The following SPAG6 variants were observed in gnomAD, a reference collection of about 807,000 sequenced individuals.
SPAG6 encodes the protein sperm-associated antigen 6.
SPAG6 carries 49 observed loss-of-function variants against 58.5 expected under a neutral mutation model. The observed-to-expected ratio is 0.84, with a 90% CI of 0.67 to 1.06. The LOEUF (loss-of-function observed/expected upper bound fraction) is 1.06. SPAG6 is among the 50% of genes least tolerant of loss of function. SPAG6 has a pLI of 0.00. For missense variants in SPAG6, 560 were observed against 611.3 expected, an observed-to-expected ratio of 0.92 and a Z score of 0.89; for synonymous variants, 233 against 225.6, an observed-to-expected ratio of 1.03 and a Z score of -0.29.
chr10:22,369,543 T>A (rs920390684), intron 4 of SPAG6, among the ~76,000 whole-genome samples: 4 of 152,068 alleles, frequency 2.6e-5, no homozygotes, highest in Non-Finnish European at 4.4e-5. Context: ...TATAGCCAGG[T>A]GATTAAGAGC....
In SPAG6 at chr10:22,368,495, C is replaced by A; in HGVS notation, c.289C>A (p.Arg97Ser). Residue 97 changes from arginine (R) to serine (S), a missense_variant and splice_region_variant, in exon 4 of 11, where the codon CGC (arginine) becomes AGC (serine). Coordinates refer to ENST00000376624, the MANE Select transcript of SPAG6 (RefSeq NM_012443.4). ...QLVYSLAEQN[R>S]FYKKAAAFVL... ...AGTTTTGTCTGTTTGACCCTTGTAG[C>A]GCTTCTACAAGAAAGCAGCTGCCTT... The A allele has an allele frequency of 1.2e-6, 2 of 1,612,600 alleles. No homozygotes were observed. Among genetic ancestry groups the A allele is most frequent in the Non-Finnish European group, 1.7e-6 (2 of 1,179,194 alleles).
chr10:22,388,870 A>C (rs937553985), intron 6 of SPAG6, among the ~76,000 whole-genome samples: 3 of 152,120 alleles, frequency 2.0e-5, no homozygotes, highest in Non-Finnish European at 4.4e-5. Context: ...AACCAGCCCT[A>C]GGCTTAGAGT....
chr10:22,403,536 G>T (rs1834469309), intron 9 of SPAG6, among the ~76,000 whole-genome samples: 1 of 151,948 alleles, frequency 6.6e-6, no homozygotes, highest in African/African-American at 2.4e-5. Flanking sequence ...GTGTATCACT[G>T]TTGGACATTT....
intron 4 of SPAG6, among the ~76,000 whole-genome samples, chr10:22,385,728 C>G (rs1433437102): frequency 4.6e-5 from 7 of 152,116 alleles, no homozygotes; most frequent in African/African-American, 1.7e-4. Flanking sequence ...TTTGAAAAAT[C>G]AAACACTGTA....
chr10:22,391,327 G>A (rs1445518881), intron 7 of SPAG6, among the ~76,000 whole-genome samples: 1 of 151,984 alleles, frequency 6.6e-6, no homozygotes, highest in Non-Finnish European at 1.5e-5. Context: ...TATTATATTT[G>A]GTGAAAAGAC....
Position 22,345,903 on chromosome 10 carries a change from T to C in SPAG6, c.121+85T>C. The C allele has an allele frequency of 1.3e-6, 2 of 1,577,630 alleles. No individual in the cohort carries two copies. The highest frequency in any genetic ancestry group is 2.3e-5 in the South Asian group (2 of 86,816). On this transcript the variant is annotated intron_variant, in intron 2 of 10. Transcript: ENST00000376624. The surrounding 1 kb of genome is among the most constrained non-coding windows in gnomAD (Gnocchi z 6.3). ...CCCGCTGCCCTGCCCGTGGAGCTCT[T>C]GGGGAGCCGCAGTGTGGGGACCGGA...
chr10:22,355,056 C>G (rs532068195), intron 2 of SPAG6, among the ~76,000 whole-genome samples: 1 of 150,980 alleles, frequency 6.6e-6, no homozygotes, highest in Non-Finnish European at 1.5e-5. Flanking sequence ...TGGTTTCATA[C>G]AGTAACAATG....
rs192409269 is a variant in SPAG6, at chr10:22,376,635, A to G, written c.472+7957A>G. 4.8e-3 allele frequency among the ~76,000 whole-genome samples: 728 copies of G among 150,134 alleles called. 8 individuals carry two copies. The highest frequency in any genetic ancestry group is 0.017 in the African/African-American group (688 of 41,070). On this transcript the variant is annotated intron_variant, in intron 4 of 10. Transcript: ENST00000376624. The stretch of plus-strand genomic sequence containing the variant: ...CATGCATGTGCGTATACTTGTGGAC[A>G]TGTGTGTGTGTGTGTGTGTATGACC...
chr10:22,385,401 GTCA>G lies in SPAG6; in HGVS notation c.473-1350_473-1348del, dbSNP rs567795023. Among the ~76,000 whole-genome samples the G allele has an allele frequency of 3.6e-3, 547 of 152,250 alleles. 2 individuals carry two copies. The highest frequency in any genetic ancestry group is 0.013 in the African/African-American group (530 of 41,546). On this transcript the variant is annotated intron_variant, in intron 4 of 10. Transcript: ENST00000376624. ...ACAGAGCAAAACAAAATATATTCCTGTCATCTGCCTCTCGTTCTTGAGATTACA... is the reference window on the plus strand; with the variant it reads ...ACAGAGCAAAACAAAATATATTCCTGTCTGCCTCTCGTTCTTGAGATTACA...
At chr10:22,387,272 T>C (rs1834088841) in intron 5 of SPAG6, among the ~76,000 whole-genome samples, 1 of 152,198 alleles carries the variant, frequency 6.6e-6, no homozygotes, top group Non-Finnish European at 1.5e-5. Flanking sequence ...CCCACCACTA[T>C]AATATTGTTT....
chr10:22,368,194 T>C (rs1837251050), intron 3 of SPAG6, among the ~76,000 whole-genome samples: 2 of 152,200 alleles, frequency 1.3e-5, no homozygotes, highest in South Asian at 4.1e-4. Context: ...ATCTCGTTAT[T>C]TTATGAATTT....
At chr10:22,364,715 T>C (rs929822454) in intron 2 of SPAG6, 138 bp from the exon 3 acceptor site, 2 of 587,068 alleles carry the variant, frequency 3.4e-6, no homozygotes, top group African/African-American at 3.7e-5. Flanking sequence ...ACTTCTAAAT[T>C]TCCATTAGTT....
chr10:22,411,078 T>C lies in SPAG6; in HGVS notation c.1362T>C (p.Gly454=), dbSNP rs111902433. Residue 454 remains glycine (G), a synonymous_variant, in exon 10 of 11, where the codon GGT becomes GGC. Coordinates refer to ENST00000376624, the MANE Select transcript of SPAG6 (RefSeq NM_012443.4). ...SKARRLFVTS[G]GLKKVQEIKA... ...CTCGACGACTTTTTGTAACAAGTGG[T>C]GGCCTTAAAAAAGTTCAAGAGATAA... The C allele has an allele frequency of 1.2e-6, 2 of 1,614,128 alleles. No homozygotes were observed. Among genetic ancestry groups the C allele is most frequent in the East Asian group, 2.2e-5 (1 of 44,870 alleles).
rs561068449 is a variant in SPAG6, at chr10:22,345,732, A to C, written c.35A>C (p.Gln12Pro). 6.2e-7 allele frequency: 1 copy of C among 1,612,812 alleles called. No homozygotes were observed. Among genetic ancestry groups the C allele is most frequent in the Non-Finnish European group, 8.5e-7 (1 of 1,179,520 alleles). Residue 12 changes from glutamine to proline, a missense_variant, in exon 2 of 11, where the codon CAA becomes CCA. Gln to Pro is a moderately conservative substitution (Grantham distance 76). Transcript: ENST00000376624. The surrounding 1 kb of genome is among the most constrained non-coding windows in gnomAD (Gnocchi z 6.3). Reference protein sequence around the residue: ...SQRQVLQVFEQYQKARTQFVQ... With the variant: ...SQRQVLQVFEPYQKARTQFVQ... The stretch of plus-strand genomic sequence containing the variant: ...ACTCTCTCTCCCGCAGTGTTCGAGC[A>C]ATACCAGAAGGCCAGGACCCAGTTC...
At chr10:22,354,584 T>C (rs1265630123) in intron 2 of SPAG6, among the ~76,000 whole-genome samples, 1 of 152,232 alleles carries the variant, frequency 6.6e-6, no homozygotes, top group Admixed American at 6.5e-5. Flanking sequence ...TTTCCTCATG[T>C]AATTGTAAAT....
In SPAG6 at chr10:22,416,691, A is replaced by T; in HGVS notation, c.*3A>T. 1 of 1,573,194 alleles carries T rather than the reference A, an allele frequency of 6.4e-7. No homozygotes were observed. Among genetic ancestry groups the T allele is most frequent in the Non-Finnish European group, 8.7e-7 (1 of 1,143,232 alleles). ...GCTATCAACCACTTAATAACTGAGC[A>T]AAGTTATATTGTGATACTCAAATTC... is the stretch of plus-strand genomic sequence containing the variant. On this transcript the variant is annotated 3_prime_UTR_variant, in exon 11 of 11. Coordinates refer to ENST00000376624, the MANE Select transcript of SPAG6 (RefSeq NM_012443.4).
rs1837257206 is a variant in SPAG6, at chr10:22,368,464, A to T, written c.289-31A>T. On this transcript the variant is annotated intron_variant, in intron 3 of 10. Transcript: ENST00000376624. ...TTTTGGTTTTCTAAGTACTCAATTC[A>T]TTTTGAGTTTTGTCTGTTTGACCCT... The T allele has an allele frequency of 3.1e-6, 5 of 1,588,752 alleles. No homozygotes were observed. The East Asian group carries it at 1.1e-4, about 36-fold the overall frequency.
At position 22,345,724 on chromosome 10, in the gene SPAG6, G is replaced by T; in HGVS notation, c.27G>T (p.Val9=). MSQRQVLQ[V]FEQYQKARTQ... ...CTCCACCGACTCTCTCTCCCGCAGT[G>T]TTCGAGCAATACCAGAAGGCCAGGA... Residue 9 remains valine (V), a splice_region_variant and synonymous_variant, in exon 2 of 11, where the codon GTG becomes GTT. Coordinates refer to ENST00000376624, the MANE Select transcript of SPAG6 (RefSeq NM_012443.4). This position sits in a 1 kb window ranked among gnomAD's most constrained non-coding sequence, Gnocchi z 6.3. The T allele has an allele frequency of 4.3e-6, 7 of 1,611,766 alleles. No homozygotes were observed. In the South Asian group the frequency reaches 5.5e-5, roughly 13 times the overall value.
intron 6 of SPAG6, 100 bp from the exon 7 acceptor site, chr10:22,389,060 C>T: frequency 1.2e-6 from 1 of 863,440 alleles, no homozygotes; most frequent in Non-Finnish European, 1.7e-6. Context: ...TTCAATTTCA[C>T]CAGTTGTTTT....
Sources: allele counts gnomAD v4.1 joint callset (sites outside exome capture counted in the v4.1 genomes callset), GRCh38; gene constraint gnomAD v4.1.1; non-coding constraint Gnocchi (gnomAD v3.1); transcripts MANE v1.5; gene names NCBI Gene and HGNC (gene_info 2026-07-23, HGNC 2026-07-21).